Variants in UNC13B observed in about 807,000 individuals in gnomAD.
UNC13B encodes unc-13 homolog B.
A neutral mutation model predicts 211.0 loss-of-function variants in UNC13B; 144 were observed. The ratio of observed to expected loss-of-function variants is 0.68; its 90% CI spans 0.60 to 0.78. The LOEUF is 0.78. UNC13B is among the 30% of genes least tolerant of loss of function. UNC13B has a pLI of 0.00. For synonymous variants in UNC13B, 709 were observed against 725.8 expected, an observed-to-expected ratio of 0.98 and a Z score of 0.37; for missense variants, 1,777 against 2,002.0, an observed-to-expected ratio of 0.89 and a Z score of 2.14.
intron 11 of UNC13B, chr9:35,351,649 C>A (rs1169789433): frequency 1.6e-6 from 2 of 1,232,150 alleles, no homozygotes; most frequent in Non-Finnish European, 2.0e-6. Context: ...AATCCTCTGG[C>A]CCTGCTGGAT....
At chr9:35,243,727 G>A (rs1372390719) in intron 6 of UNC13B, among the ~76,000 whole-genome samples, 2 of 152,050 alleles carry the variant, frequency 1.3e-5, no homozygotes, top group African/African-American at 4.8e-5. Context: ...TGTTTTTGAG[G>A]ATGTTTAGAC....
intron 1 of UNC13B, among the ~76,000 whole-genome samples, chr9:35,220,369 A>G (rs1438346228): frequency 1.3e-5 from 2 of 151,384 alleles, no homozygotes; most frequent in Non-Finnish European, 2.9e-5. Context: ...GTGCTATCAC[A>G]TACTAGATCT....
chr9:35,202,353 T>A (rs1271967597), intron 1 of UNC13B, among the ~76,000 whole-genome samples: 1 of 152,176 alleles, frequency 6.6e-6, no homozygotes, highest in Non-Finnish European at 1.5e-5. Context: ...GTCTATTAGG[T>A]CCGCTTGGTG....
At chr9:35,266,011 C>T (rs1467184137) in intron 7 of UNC13B, among the ~76,000 whole-genome samples, 1 of 151,958 alleles carries the variant, frequency 6.6e-6, no homozygotes, top group African/African-American at 2.4e-5. Flanking sequence ...TTTTGTTGGC[C>T]AGGCTGGTCT....
intron 26 of UNC13B, 123 bp from the exon 27 acceptor site, chr9:35,396,353 G>A (rs1037496702): frequency 2.7e-5 from 33 of 1,239,238 alleles, no homozygotes; most frequent in Non-Finnish European, 3.6e-5. Context: ...GAAGGAGGTT[G>A]GGAGTCACCC....
intron 1 of UNC13B, among the ~76,000 whole-genome samples, chr9:35,192,464 G>T (rs1255559573): frequency 6.6e-6 from 1 of 152,332 alleles, no homozygotes; most frequent in Middle Eastern, 3.4e-3. Flanking sequence ...ATCCCTTCAT[G>T]AGAGGTTAAA....
At position 35,215,830 on chromosome 9, in the gene UNC13B, C is replaced by T. The variant is rs118023652; in HGVS notation, c.23-12185C>T. ...TTTGCCTGTTAGTATCTTCTGATTC[C>T]TGGTGTCTCTGAGCCGGAGTTTTAA... On this transcript the variant is annotated intron_variant, in intron 1 of 39. Coordinates refer to ENST00000635942, the MANE Select transcript of UNC13B (RefSeq NM_001371189.2). Among the ~76,000 whole-genome samples, 469 of 152,268 alleles carry T rather than the reference C, an allele frequency of 3.1e-3. 2 individuals carry two copies. Among genetic ancestry groups the T allele is most frequent in the Admixed American group, 6.4e-3 (98 of 15,296 alleles).
chr9:35,321,792 C>T lies in UNC13B; in HGVS notation c.9414+7803C>T, dbSNP rs7030337. On this transcript the variant is annotated intron_variant, in intron 11 of 39. Coordinates refer to ENST00000635942, the MANE Select transcript of UNC13B (RefSeq NM_001371189.2). ...CCATGATTACTGGTATGAGCCATCA[C>T]ACTCGGCTTCAGGGGTATATATATA... 7.6e-3 allele frequency among the ~76,000 whole-genome samples: 1,150 copies of T among 152,232 alleles called. 17 individuals are homozygous for T. The highest frequency in any genetic ancestry group is 0.026 in the African/African-American group (1,098 of 41,518).
intron 1 of UNC13B, among the ~76,000 whole-genome samples, chr9:35,199,647 A>C (rs1321422445): frequency 1.3e-5 from 2 of 152,190 alleles, no homozygotes; most frequent in East Asian, 3.8e-4. Flanking sequence ...TCTTTTGAGA[A>C]GTGTCTGTTC....
intron 1 of UNC13B, among the ~76,000 whole-genome samples, chr9:35,201,517 G>C (rs1823287641): frequency 6.6e-6 from 1 of 152,186 alleles, no homozygotes; most frequent in South Asian, 2.1e-4. Flanking sequence ...TTCAGAGCCT[G>C]TTATTGGTCT....
intron 11 of UNC13B, among the ~76,000 whole-genome samples, chr9:35,334,843 C>G (rs1051036754): frequency 4.6e-5 from 7 of 152,284 alleles, no homozygotes; most frequent in Admixed American, 3.9e-4. Context: ...TCCAGACCAG[C>G]CTGGCCAACA....
At chr9:35,351,134 T>G (rs2132064546) in intron 11 of UNC13B, among the ~76,000 whole-genome samples, 1 of 152,370 alleles carries the variant, frequency 6.6e-6, no homozygotes, top group East Asian at 1.9e-4. Context: ...GAGAAACAAC[T>G]GACTGCCCAT....
At chr9:35,289,352 T>C (rs1186571816) in intron 7 of UNC13B, among the ~76,000 whole-genome samples, 2 of 152,188 alleles carry the variant, frequency 1.3e-5, no homozygotes, top group African/African-American at 2.4e-5. Context: ...GGACCCCACA[T>C]TGAAGATTCC....
At chr9:35,173,237 G>T (rs1477132563) in intron 1 of UNC13B, among the ~76,000 whole-genome samples, 7 of 152,090 alleles carry the variant, frequency 4.6e-5, no homozygotes, top group African/African-American at 1.7e-4. Context: ...TAGTTATGAA[G>T]CAAATTTTAG....
intron 1 of UNC13B, among the ~76,000 whole-genome samples, chr9:35,181,400 T>C (rs2131299403): frequency 6.6e-6 from 1 of 152,356 alleles, no homozygotes; most frequent in East Asian, 1.9e-4. Flanking sequence ...TATTGACATA[T>C]AGTAACTGAG....
Position 35,232,075 on chromosome 9 carries a change from A to G in UNC13B, c.152+856A>G, listed in dbSNP as rs565465352. On this transcript the variant is annotated intron_variant, in intron 3 of 39. Coordinates refer to ENST00000635942, the MANE Select transcript of UNC13B (RefSeq NM_001371189.2). ...CTGTGAAATTTGAAACTGAACTGAAATCGATTTGCATGTTTTATAGTGCAG... is the reference window on the plus strand; with the variant it reads ...CTGTGAAATTTGAAACTGAACTGAAGTCGATTTGCATGTTTTATAGTGCAG... 1.7e-3 allele frequency among the ~76,000 whole-genome samples: 250 copies of G among 151,298 alleles called. 1 individual carries two copies. Among genetic ancestry groups the G allele is most frequent in the South Asian group, 8.2e-3 (39 of 4,778 alleles).
At chr9:35,310,218 T>G (rs1436245754) in intron 9 of UNC13B, among the ~76,000 whole-genome samples, 1 of 152,224 alleles carries the variant, frequency 6.6e-6, no homozygotes, top group Non-Finnish European at 1.5e-5. Flanking sequence ...TAAAATATAC[T>G]TCAAAGTCAA....
chr9:35,215,341 G>A lies in UNC13B; in HGVS notation c.23-12674G>A, dbSNP rs746782365. ...TTATTTGAGCCCAGGAGGTCAAGGC[G>A]GCAGTCAGCCATGATCTCACCACTG... On this transcript the variant is annotated intron_variant, in intron 1 of 39. Transcript: ENST00000635942. Among the ~76,000 whole-genome samples the A allele has an allele frequency of 7.9e-5, 12 of 152,126 alleles. No individual in the cohort carries two copies. The East Asian group carries it at 9.6e-4, about 12-fold the overall frequency.
intron 1 of UNC13B, among the ~76,000 whole-genome samples, chr9:35,163,185 G>A (rs1011062874): frequency 6.6e-6 from 1 of 152,132 alleles, no homozygotes; most frequent in Non-Finnish European, 1.5e-5. Flanking sequence ...TTTGATCTCG[G>A]GAAATTCAGG....
Sources: gnomAD v4.1 joint callset for allele counts (sites outside exome capture counted in the v4.1 genomes callset) on GRCh38, gnomAD v4.1.1 for gene constraint, MANE v1.5 for transcripts, NCBI Gene and HGNC (gene_info 2026-07-23, HGNC 2026-07-21) for gene names.